The following FNDC3A variants were observed in gnomAD, a reference collection of about 807,000 sequenced individuals.
The protein encoded by FNDC3A is fibronectin type-III domain-containing protein 3A.
In FNDC3A, 32 loss-of-function variants were observed where a neutral mutation model predicts 148.9. The observed-to-expected ratio is 0.21, with a 90% confidence interval of 0.16 to 0.29. The LOEUF (loss-of-function observed/expected upper bound fraction) is 0.29. Among genes scored for constraint, FNDC3A ranks in the 10% least tolerant of loss-of-function variants. The probability of loss-of-function intolerance (pLI) is 1.00; values close to 1 mark genes in which losing one functional copy is unlikely to be tolerated. For synonymous variants in FNDC3A, 472 were observed against 473.6 expected (o/e 1.00, Z 0.04); for missense variants, 1,191 against 1,452.8 (o/e 0.82, Z 2.93).
At chr13:49,028,446 C>T (rs1268751650) in intron 2 of FNDC3A, among the ~76,000 whole-genome samples, 4 of 151,948 alleles carry the variant, frequency 2.6e-5, no homozygotes, top group Admixed American at 6.6e-5. Flanking sequence ...TCGCTTGTTG[C>T]CCAGGCTGGT....
At chr13:49,143,871 A>G (rs1053125519) in intron 7 of FNDC3A, among the ~76,000 whole-genome samples, 1 of 152,048 alleles carries the variant, frequency 6.6e-6, no homozygotes, top group Non-Finnish European at 1.5e-5. Flanking sequence ...CAGGCTGGGC[A>G]TAGTGACTCA....
Position 49,168,712 on chromosome 13 carries a change from A to G in FNDC3A, c.1137A>G (p.Ile379Met). ...CEPDIPNPPR[I>M]ANRTKNSLTL... ...CTGATATACCTAATCCACCAAGGAT[A>G]GCCAATCGGACCAAAAATTCACTCA... Residue 379 changes from isoleucine to methionine, a missense_variant, in exon 10 of 26, where the codon ATA becomes ATG. Physicochemically the swap from Ile to Met is conservative, Grantham distance 10. Transcript: ENST00000492622. The G allele has an allele frequency of 6.2e-7, 1 of 1,613,658 alleles. No homozygotes were observed.
At chr13:49,013,786 C>A (rs1366529288) in intron 2 of FNDC3A, among the ~76,000 whole-genome samples, 4 of 134,868 alleles carry the variant, frequency 3.0e-5, no homozygotes, top group Non-Finnish European at 6.3e-5. Flanking sequence ...TGTGATGTTC[C>A]CCTTCCTGTG....
chr13:48,980,897 A>G (rs1951682984), intron 1 of FNDC3A, among the ~76,000 whole-genome samples: 1 of 152,224 alleles, frequency 6.6e-6, no homozygotes, highest in African/African-American at 2.4e-5. Context: ...GAAAAAGTAC[A>G]GATGTATAAG....
intron 14 of FNDC3A, 62 bp downstream of exon 14, chr13:49,178,716 G>T (rs1885156641): frequency 1.1e-6 from 1 of 932,256 alleles, no homozygotes; most frequent in Non-Finnish European, 1.6e-6. Flanking sequence ...GTGTGGTGGG[G>T]TTCTTTGTTT....
chr13:49,187,036 A>G, intron 15 of FNDC3A, 86 bp from the exon 16 acceptor site: 1 of 890,616 alleles, frequency 1.1e-6, no homozygotes, highest in Non-Finnish European at 1.7e-6. Flanking sequence ...TTTTAAACCT[A>G]GTTTGGTATT....
chr13:49,061,318 T>TCTTCCCTTCCCTTCCCTTCC (rs1313941557), intron 2 of FNDC3A, among the ~76,000 whole-genome samples: 2 of 99,958 alleles, frequency 2.0e-5, no homozygotes, highest in African/African-American at 4.0e-5. Flanking sequence ...CCCTCTCTTC[T>TCTTCCCTTCCCTTCCCTTCC]CTTCCCTTCC....
In FNDC3A at chr13:49,114,848, T is replaced by A. The variant is rs1880829043; in HGVS notation, c.252+117T>A. Reference sequence around the variant, plus strand: ...AATTACTGAGGCTTACCAAGTGTTGTGTATCTATCATAAATCTATTTCAAG... The same window carrying A: ...AATTACTGAGGCTTACCAAGTGTTGAGTATCTATCATAAATCTATTTCAAG... On this transcript the variant is annotated intron_variant, in intron 4 of 25. Coordinates refer to ENST00000492622, the MANE Select transcript of FNDC3A (RefSeq NM_001079673.2). 20 of 776,640 alleles carry A rather than the reference T, an allele frequency of 2.6e-5. No individual in the cohort carries two copies. In the South Asian group the frequency reaches 2.9e-4, roughly 11 times the overall value. 48.1% of individuals were successfully genotyped at this position (776,640 alleles called of 1,614,324 possible). A position where few individuals can be genotyped will look rare whatever the true frequency, so the allele number is the denominator to read the frequency against.
intron 3 of FNDC3A, among the ~76,000 whole-genome samples, chr13:49,076,182 T>C (rs1878099001): frequency 6.6e-6 from 1 of 152,048 alleles, no homozygotes; most frequent in South Asian, 2.1e-4. Flanking sequence ...GAACCTAGGA[T>C]TAAATCCCAG....
At chr13:48,988,440 T>C (rs1197329469) in intron 1 of FNDC3A, among the ~76,000 whole-genome samples, 1 of 152,192 alleles carries the variant, frequency 6.6e-6, no homozygotes, top group Admixed American at 6.5e-5. Flanking sequence ...AAAATATTGT[T>C]ACTGCAGATA....
intron 5 of FNDC3A, among the ~76,000 whole-genome samples, chr13:49,132,007 C>T (rs1173287860): frequency 6.6e-6 from 1 of 152,220 alleles, no homozygotes; most frequent in African/African-American, 2.4e-5. Flanking sequence ...TGGACCCCCA[C>T]GACTTGCTTT....
At chr13:48,999,576 A>G (rs1952088636) in intron 1 of FNDC3A, among the ~76,000 whole-genome samples, 1 of 152,192 alleles carries the variant, frequency 6.6e-6, no homozygotes, top group East Asian at 1.9e-4. Flanking sequence ...GGATAGAATG[A>G]AAATGACATG....
chr13:49,079,147 A>G (rs943561242), intron 3 of FNDC3A, among the ~76,000 whole-genome samples: 3 of 152,232 alleles, frequency 2.0e-5, no homozygotes, highest in African/African-American at 7.2e-5. Flanking sequence ...ACAGCTAGTT[A>G]TGGGCAGAGT....
chr13:49,040,975 C>T (rs1160686136), intron 2 of FNDC3A, among the ~76,000 whole-genome samples: 2 of 152,176 alleles, frequency 1.3e-5, no homozygotes, highest in African/African-American at 4.8e-5. Flanking sequence ...CTCCGCTCAT[C>T]ATATTGTACT....
At chr13:49,054,145 T>A (rs9591235) in intron 2 of FNDC3A, among the ~76,000 whole-genome samples, 93,178 of 151,918 alleles carry the variant, frequency 0.61, 29,363 homozygotes, top group Non-Finnish European at 0.68. Context: ...TCTGAACTAG[T>A]TTTTCAGGTT....
intron 1 of FNDC3A, among the ~76,000 whole-genome samples, chr13:48,994,084 C>T (rs891568078): frequency 1.3e-5 from 2 of 152,032 alleles, no homozygotes; most frequent in Non-Finnish European, 2.9e-5. Flanking sequence ...TTGATTGTCT[C>T]TTCATATATC....
chr13:49,019,199 G>A (rs944702056), intron 2 of FNDC3A, among the ~76,000 whole-genome samples: 1 of 152,030 alleles, frequency 6.6e-6, no homozygotes, highest in East Asian at 1.9e-4. Context: ...CCCTCCCCCA[G>A]CCTCGCTGCT....
chr13:49,179,016 T>C, intron 14 of FNDC3A, among the ~76,000 whole-genome samples: 1 of 152,214 alleles, frequency 6.6e-6, no homozygotes. Context: ...CACAAGCCAC[T>C]GCACCCAACC....
chr13:49,165,340 C>G (rs371872697), intron 8 of FNDC3A, among the ~76,000 whole-genome samples: 142 of 152,234 alleles, frequency 9.3e-4, no homozygotes, highest in African/African-American at 3.3e-3. Context: ...GGACTTTTTC[C>G]TGAAGATGCA....
Sources: gnomAD v4.1 joint callset for allele counts (sites outside exome capture counted in the v4.1 genomes callset) on GRCh38, gnomAD v4.1.1 for gene constraint, MANE v1.5 for transcripts, NCBI Gene and HGNC (gene_info 2026-07-23, HGNC 2026-07-21) for gene names.